The following PACRGL variants were observed in gnomAD, a reference collection of about 807,000 sequenced individuals.
PACRGL encodes the protein parkin coregulated like.
A neutral mutation model predicts 34.5 loss-of-function variants in PACRGL; 38 were observed. The ratio of observed to expected loss-of-function variants is 1.10; its 90% CI spans 0.85 to 1.44. The LOEUF (loss-of-function observed/expected upper bound fraction) is 1.44, where lower values mean the gene tolerates loss of function less well. PACRGL is among the 40% of genes most tolerant of loss of function. The probability of loss-of-function intolerance (pLI) is 0.00; values close to 1 mark genes in which losing one functional copy is unlikely to be tolerated. For missense variants in PACRGL, 305 were observed against 281.4 expected (o/e 1.08, Z -0.60); for synonymous variants, 128 against 100.1 (o/e 1.28, Z -1.66).
At position 20,729,978 on chromosome 4, in the gene PACRGL, T is replaced by C. The variant is rs1747556670; in HGVS notation, c.*2637T>C. The C allele has an allele frequency of 7.6e-7, 1 of 1,321,388 alleles. No homozygotes were observed. The highest frequency in any genetic ancestry group is 1.0e-6 in the Non-Finnish European group (1 of 983,958). 81.9% of individuals were successfully genotyped at this position (1,321,388 alleles called of 1,614,324 possible). On this transcript the variant is annotated 3_prime_UTR_variant, in exon 9 of 9. Coordinates refer to ENST00000503585, the MANE Select transcript of PACRGL (RefSeq NM_001258345.3). ...AACAAAGCTTGTTTGCATAATATGC[T>C]TCAGTGTCAAGCTGAGCAATCTATG...
intron 2 of PACRGL, 34 bp from the exon 3 acceptor site, chr4:20,704,626 A>T: frequency 6.2e-7 from 1 of 1,613,690 alleles, no homozygotes; most frequent in Non-Finnish European, 8.5e-7. Flanking sequence ...TATTGCTTGT[A>T]CCTGGTTTCT....
In PACRGL at chr4:20,727,534, A is replaced by C. The variant is rs1746280847; in HGVS notation, c.*193A>C. 2.1e-6 allele frequency: 1 copy of C among 483,186 alleles called. No homozygotes were observed. Among genetic ancestry groups the C allele is most frequent in the African/African-American group, 1.9e-5 (1 of 52,122 alleles). The allele number at this position is 483,186 out of a possible 1,614,324, so 29.9% of individuals were successfully genotyped here. A position where few individuals can be genotyped will look rare whatever the true frequency, so the allele number is the denominator to read the frequency against. On this transcript the variant is annotated 3_prime_UTR_variant, in exon 9 of 9. Transcript: ENST00000503585. ...TTACTAATGGAAAGTTATTAAAATAAGTTCTATAAGAGTACAATTTTGAGG... is the reference window on the plus strand; with the variant it reads ...TTACTAATGGAAAGTTATTAAAATACGTTCTATAAGAGTACAATTTTGAGG...
rs1747458016 is a variant in PACRGL, at chr4:20,729,758, A to AAAATCACTGATAT, written c.*2418_*2430dup. The stretch of plus-strand genomic sequence containing the variant: ...GAGTAGCAAAAAACACTGATATTTT[A>AAAATCACTGATAT]AAATCACTGATATGTGAAAGCCTCA... On this transcript the variant is annotated 3_prime_UTR_variant, in exon 9 of 9. Coordinates refer to ENST00000503585, the MANE Select transcript of PACRGL (RefSeq NM_001258345.3). 1.8e-5 allele frequency: 4 copies of AAAATCACTGATAT among 221,960 alleles called. No individual in the cohort carries two copies. Among genetic ancestry groups the AAAATCACTGATAT allele is most frequent in the Non-Finnish European group, 3.5e-5 (4 of 114,094 alleles). 13.7% of individuals were successfully genotyped at this position (221,960 alleles called of 1,614,324 possible). A position where few individuals can be genotyped will look rare whatever the true frequency, so the allele number is the denominator to read the frequency against.
At chr4:20,760,964 G>T in the PACRGL span, among the ~76,000 whole-genome samples, 1 of 152,190 alleles carries the variant, frequency 6.6e-6, no homozygotes, top group African/African-American at 2.4e-5. Context: ...GTGTTTTTGA[G>T]ATTTATTACA....
At chr4:20,745,214 A>T (rs535755373) in intron 8 of PACRGL, among the ~76,000 whole-genome samples, 3 of 151,136 alleles carry the variant, frequency 2.0e-5, no homozygotes, top group Non-Finnish European at 4.4e-5. Context: ...TGAAATTACC[A>T]TTTTTTTTTG....
At position 20,727,472 on chromosome 4, in the gene PACRGL, CACTG is replaced by C. The variant is rs1471644527; in HGVS notation, c.*133_*136del. 5 of 668,708 alleles carry C rather than the reference CACTG, an allele frequency of 7.5e-6. No individual in the cohort carries two copies. Among genetic ancestry groups the C allele is most frequent in the African/African-American group, 1.8e-5 (1 of 55,946 alleles). 41.4% of individuals were successfully genotyped at this position (668,708 alleles called of 1,614,324 possible). Reference sequence around the variant, plus strand: ...TATTTACTAGGTTAAGATGAATAGACACTGAATCAAAGTTATTCATCAACAAAAA... The same window carrying C: ...TATTTACTAGGTTAAGATGAATAGACAATCAAAGTTATTCATCAACAAAAA... On this transcript the variant is annotated 3_prime_UTR_variant, in exon 9 of 9. Coordinates refer to ENST00000503585, the MANE Select transcript of PACRGL (RefSeq NM_001258345.3).
At chr4:20,742,188 G>C (rs929693340) in intron 8 of PACRGL, among the ~76,000 whole-genome samples, 1 of 152,116 alleles carries the variant, frequency 6.6e-6, no homozygotes, top group Non-Finnish European at 1.5e-5. Context: ...CCAATCAACA[G>C]AAAAAGAGGG....
Position 20,729,827 on chromosome 4 carries a change from C to G in PACRGL, c.*2486C>G. ...AACCAATAAAACTATATGCCAGATT[C>G]TATTACTTTTGAATATTCACAGAGT... On this transcript the variant is annotated 3_prime_UTR_variant, in exon 9 of 9. Coordinates refer to ENST00000503585, the MANE Select transcript of PACRGL (RefSeq NM_001258345.3). 1 of 363,954 alleles carries G rather than the reference C, an allele frequency of 2.7e-6. No homozygotes were observed. The highest frequency in any genetic ancestry group is 2.1e-5 in the African/African-American group (1 of 47,798). 22.5% of individuals were successfully genotyped at this position (363,954 alleles called of 1,614,324 possible). A position where few individuals can be genotyped will look rare whatever the true frequency, so the allele number is the denominator to read the frequency against.
At chr4:20,766,169 T>C in the PACRGL span, among the ~76,000 whole-genome samples, 1 of 152,174 alleles carries the variant, frequency 6.6e-6, no homozygotes, top group African/African-American at 2.4e-5. Context: ...ATTAACTCCA[T>C]TTTACAAATG....
intron 7 of PACRGL, among the ~76,000 whole-genome samples, chr4:20,716,653 G>A (rs1251229412): frequency 7.9e-5 from 12 of 152,134 alleles, no homozygotes; most frequent in Admixed American, 5.9e-4. Flanking sequence ...TCCCTACAAA[G>A]GACATGAACT....
chr4:20,765,911 G>A, the PACRGL span, among the ~76,000 whole-genome samples: 1 of 152,204 alleles, frequency 6.6e-6, no homozygotes, highest in Non-Finnish European at 1.5e-5. Context: ...TGAGGGTCAA[G>A]ATTAGTTGTA....
chr4:20,724,718 C>A, intron 7 of PACRGL, 90 bp from the exon 8 acceptor site: 1 of 591,942 alleles, frequency 1.7e-6, no homozygotes, highest in Non-Finnish European at 2.6e-6. Context: ...AAATCTAAAA[C>A]AAGGGGTGCT....
chr4:20,706,157 AAGT>A (rs1734390591), intron 3 of PACRGL, among the ~76,000 whole-genome samples: 1 of 152,008 alleles, frequency 6.6e-6, no homozygotes, highest in Admixed American at 6.6e-5. Flanking sequence ...AAATCGATAA[AAGT>A]AATCTATTCA....
In PACRGL at chr4:20,720,570, G is replaced by C. The variant is rs557241496; in HGVS notation, c.610-4238G>C. On this transcript the variant is annotated intron_variant, in intron 7 of 8. Coordinates refer to ENST00000503585, the MANE Select transcript of PACRGL (RefSeq NM_001258345.3). ...TGCTTGTCTGTAAAGGATTTTATTT[G>C]TCCTTCGCTTATGAAGCTTAGTTTG... Among the ~76,000 whole-genome samples the C allele has an allele frequency of 3.3e-5, 5 of 152,176 alleles. No homozygotes were observed. The East Asian group carries it at 5.8e-4, about 18-fold the overall frequency.
chr4:20,756,612 C>G (rs1358927200), downstream of PACRGL, among the ~76,000 whole-genome samples: 5 of 151,768 alleles, frequency 3.3e-5, no homozygotes, highest in Admixed American at 3.3e-4. Flanking sequence ...TCTCATCGTC[C>G]TTTTCACCCT....
intron 4 of PACRGL, among the ~76,000 whole-genome samples, chr4:20,708,367 T>C (rs183672273): frequency 3.4e-4 from 52 of 152,326 alleles, no homozygotes; most frequent in Admixed American, 2.3e-3. Context: ...ATAAAGCATT[T>C]ATTTCTTCAG....
chr4:20,704,238 C>T (rs1485735765), intron 1 of PACRGL, among the ~76,000 whole-genome samples: 1 of 152,092 alleles, frequency 6.6e-6, no homozygotes, highest in Non-Finnish European at 1.5e-5. Context: ...AAAAAGTTGA[C>T]TTTTGTACAT....
At chr4:20,736,061 A>G (rs1008026709), downstream of PACRGL, among the ~76,000 whole-genome samples, 3 of 152,202 alleles carry the variant, frequency 2.0e-5, no homozygotes, top group Non-Finnish European at 4.4e-5. Flanking sequence ...ATATAGTTCA[A>G]CATTTAAAAA....
chr4:20,731,392 G>A lies in PACRGL; in HGVS notation c.*4051G>A. ...CCAGGCCTTAACAATTTTTAACTGT[G>A]GTTCTGCCCACACATCAAGTCAAAT... On this transcript the variant is annotated 3_prime_UTR_variant, in exon 9 of 9. Transcript: ENST00000503585. 1.0e-6 allele frequency: 1 copy of A among 985,102 alleles called. No individual in the cohort carries two copies. Among genetic ancestry groups the A allele is most frequent in the Non-Finnish European group, 1.2e-6 (1 of 829,716 alleles). 61.0% of individuals were successfully genotyped at this position (985,102 alleles called of 1,614,324 possible). A position where few individuals can be genotyped will look rare whatever the true frequency, so the allele number is the denominator to read the frequency against.
Sources: allele counts gnomAD v4.1 joint callset (sites outside exome capture counted in the v4.1 genomes callset), GRCh38; gene constraint gnomAD v4.1.1; transcripts MANE v1.5; gene names NCBI Gene and HGNC (gene_info 2026-07-23, HGNC 2026-07-21).